RPH3A: variants seen among roughly 807,000 people sequenced by gnomAD.
RPH3A encodes the protein rabphilin-3A.
A neutral mutation model predicts 102.2 loss-of-function variants in RPH3A; 48 were observed. The ratio of observed to expected loss-of-function variants is 0.47; its 90% confidence interval spans 0.37 to 0.60. The LOEUF is 0.60. Ranked by LOEUF, RPH3A falls within the 20% of genes least tolerant of loss-of-function variation. The pLI is 0.00. For missense variants in RPH3A, 781 were observed against 910.1 expected, an observed-to-expected ratio of 0.86 and a Z score of 1.83; for synonymous variants, 310 against 324.3, an observed-to-expected ratio of 0.96 and a Z score of 0.47.
chr12:112,798,788 TTAAA>T (rs923798230), intron 2 of RPH3A, among the ~76,000 whole-genome samples: 5 of 151,046 alleles, frequency 3.3e-5, no homozygotes, highest in African/African-American at 1.2e-4. Flanking sequence ...TTCCCACCCC[TTAAA>T]TAATTCCCTG....
Position 112,876,757 on chromosome 12 carries a change from A to T in RPH3A, c.1062A>T (p.Gly354=), listed in dbSNP as rs754722712. The part of the protein sequence containing the change: ...AREDRMSHPS[G]PYSQASAAAP... ...AGGACCGAATGAGCCACCCCTCCGG[A>T]CCCTATTCCCAAGCATCTGCAGCTG... is the stretch of plus-strand genomic sequence containing the variant. The change falls in exon 13 of 22, where the codon GGA becomes GGT. Residue 354 remains glycine (G), a synonymous_variant. Coordinates refer to ENST00000389385, the MANE Select transcript of RPH3A (RefSeq NM_001143854.2). 4.3e-6 allele frequency: 7 copies of T among 1,612,862 alleles called. No individual in the cohort carries two copies. The South Asian group carries it at 7.7e-5, about 18-fold the overall frequency.
intron 1 of RPH3A, among the ~76,000 whole-genome samples, chr12:112,603,253 A>G (rs2135969859): frequency 6.6e-6 from 1 of 152,296 alleles, no homozygotes; most frequent in African/African-American, 2.4e-5. Context: ...TCAAGGTGCT[A>G]TATTTTGGAG....
intron 1 of RPH3A, among the ~76,000 whole-genome samples, chr12:112,583,011 T>C (rs1052380676): frequency 6.6e-6 from 1 of 152,172 alleles, no homozygotes; most frequent in Non-Finnish European, 1.5e-5. Flanking sequence ...GGTGGCTTCG[T>C]GAATTTTCCC....
intron 1 of RPH3A, among the ~76,000 whole-genome samples, chr12:112,759,585 T>C (rs1182279820): frequency 6.6e-6 from 1 of 152,140 alleles, no homozygotes; most frequent in East Asian, 1.9e-4. Flanking sequence ...TGAACACAGA[T>C]CTCCTGACCC....
At chr12:112,776,899 A>C (rs1416831957) in intron 1 of RPH3A, among the ~76,000 whole-genome samples, 2 of 148,378 alleles carry the variant, frequency 1.3e-5, no homozygotes, top group Non-Finnish European at 3.0e-5. Context: ...AAAAAAAAAA[A>C]AAAAAAAAAA....
At chr12:112,880,940 T>A (rs1294021418) in intron 14 of RPH3A, among the ~76,000 whole-genome samples, 2 of 152,186 alleles carry the variant, frequency 1.3e-5, no homozygotes, top group Non-Finnish European at 2.9e-5. Context: ...ATCCTCATGG[T>A]CTTCATGTTG....
At position 112,883,449 on chromosome 12, in the gene RPH3A, G is replaced by A. The variant is rs749376879; in HGVS notation, c.1436+47G>A. On this transcript the variant is annotated intron_variant, in intron 16 of 21. Coordinates refer to ENST00000389385, the MANE Select transcript of RPH3A (RefSeq NM_001143854.2). ...GAGAGGGAGGCAAAGGGGAGACTCG[G>A]GGTGGGTGGAACTGAGACTTGGGGT... 24 of 1,422,454 alleles carry A rather than the reference G, an allele frequency of 1.7e-5. No homozygotes were observed. In the Admixed American group the frequency reaches 2.6e-4, roughly 15 times the overall value. The allele number at this position is 1,422,454 out of a possible 1,614,324, so 88.1% of individuals were successfully genotyped here.
intron 8 of RPH3A, 138 bp from the exon 9 acceptor site, chr12:112,869,621 G>A: frequency 1.2e-6 from 1 of 809,306 alleles, no homozygotes. Context: ...TCAAAGAGGA[G>A]GTTGGGAGAA....
chr12:112,838,744 A>G (rs1045487724), intron 4 of RPH3A, among the ~76,000 whole-genome samples: 6 of 152,198 alleles, frequency 3.9e-5, no homozygotes, highest in Admixed American at 3.3e-4. Context: ...TGTTGTGTGC[A>G]TGCAATGAAG....
At chr12:112,888,029 C>A in intron 17 of RPH3A, 106 bp downstream of exon 17, 1 of 1,289,416 alleles carries the variant, frequency 7.8e-7, no homozygotes, top group Non-Finnish European at 1.1e-6. Flanking sequence ...TATTGGGTAG[C>A]AGAGGCACTG....
rs536435695 is a variant in RPH3A, at chr12:112,847,683, A to C, written c.84-13A>C. 4 of 1,612,788 alleles carry C rather than the reference A, an allele frequency of 2.5e-6. No homozygotes were observed. The highest frequency in any genetic ancestry group is 4.5e-5 in the East Asian group (2 of 44,872). ...TTCTGCCCACCCTCACACCTTCCCA[A>C]ATTTCCTTTCAGGCTCCAGGCAGGC... On this transcript the variant is annotated splice_polypyrimidine_tract_variant and intron_variant, in intron 4 of 21. Coordinates refer to ENST00000389385, the MANE Select transcript of RPH3A (RefSeq NM_001143854.2).
At chr12:112,759,890 A>T (rs2040844011) in intron 1 of RPH3A, among the ~76,000 whole-genome samples, 1 of 152,136 alleles carries the variant, frequency 6.6e-6, no homozygotes, top group African/African-American at 2.4e-5. Context: ...AATGACAGGT[A>T]AGTCATTGAT....
At chr12:112,826,482 T>A (rs1482228943) in intron 2 of RPH3A, among the ~76,000 whole-genome samples, 1 of 152,044 alleles carries the variant, frequency 6.6e-6, no homozygotes, top group African/African-American at 2.4e-5. Flanking sequence ...ATCTCAAGAG[T>A]TTAGCTTGAT....
At chr12:112,604,351 T>C (rs1277904950) in intron 1 of RPH3A, among the ~76,000 whole-genome samples, 1 of 152,194 alleles carries the variant, frequency 6.6e-6, no homozygotes, top group East Asian at 1.9e-4. Flanking sequence ...CAATTTAACT[T>C]TTTTCCATGT....
At chr12:112,606,324 A>G (rs145199837) in intron 1 of RPH3A, among the ~76,000 whole-genome samples, 2 of 152,276 alleles carry the variant, frequency 1.3e-5, no homozygotes, top group Non-Finnish European at 2.9e-5. Context: ...TCTAGTTCTC[A>G]TATGCTATAA....
chr12:112,677,267 G>A (rs2040182664), intron 1 of RPH3A, among the ~76,000 whole-genome samples: 1 of 152,014 alleles, frequency 6.6e-6, no homozygotes, highest in African/African-American at 2.4e-5. Flanking sequence ...AATAAAACAA[G>A]TACCATGGGA....
intron 1 of RPH3A, among the ~76,000 whole-genome samples, chr12:112,637,629 T>C (rs192396715): frequency 1.6e-3 from 240 of 152,056 alleles, no homozygotes; most frequent in Middle Eastern, 0.01. Context: ...AATGAAGGAG[T>C]GAATTGAGGA....
intron 1 of RPH3A, among the ~76,000 whole-genome samples, chr12:112,659,844 A>C (rs1397137974): frequency 6.6e-6 from 1 of 152,192 alleles, no homozygotes; most frequent in Admixed American, 6.5e-5. Flanking sequence ...ATCTGTCTGC[A>C]TCATTCTTCG....
rs145901009 is a variant in RPH3A at position 112,890,953 on chromosome 12, G to A, written c.1725G>A (p.Val575=). Residue 575 remains valine, a synonymous_variant, in exon 19 of 22, where the codon GTG becomes GTA. Transcript: ENST00000389385. ...TCATTGTGGGCATCATACGCTGCGT[G>A]CACCTGGCTGCCATGGACGCTAATG... ...GGLIVGIIRC[V]HLAAMDANGY... is the part of the protein sequence containing the mutation. 1 of 1,614,036 alleles carries A rather than the reference G, an allele frequency of 6.2e-7. No individual in the cohort carries two copies. The highest frequency in any genetic ancestry group is 1.3e-5 in the African/African-American group (1 of 74,932).
Sources: gnomAD v4.1 joint callset for allele counts (sites outside exome capture counted in the v4.1 genomes callset) on GRCh38, gnomAD v4.1.1 for gene constraint, MANE v1.5 for transcripts, NCBI Gene and HGNC (gene_info 2026-07-23, HGNC 2026-07-21) for gene names.